Variants in FAM168A observed in about 807,000 individuals in gnomAD.
FAM168A encodes family with sequence similarity 168 member A.
FAM168A carries 3 observed loss-of-function variants against 28.5 expected under a neutral mutation model. The observed-to-expected ratio is 0.11, with a 90% CI of 0.05 to 0.27. FAM168A has a LOEUF of 0.27. Among genes scored for constraint, FAM168A ranks in the 10% least tolerant of loss-of-function variants. The pLI, the probability that FAM168A is intolerant of heterozygous loss-of-function variation, is 1.00. For synonymous variants in FAM168A, 122 were observed against 124.2 expected (o/e 0.98, Z 0.12); for missense variants, 222 against 311.5 (o/e 0.71, Z 2.16).
At chr11:73,442,693 T>C (rs1867218023) in intron 2 of FAM168A, among the ~76,000 whole-genome samples, 1 of 152,030 alleles carries the variant, frequency 6.6e-6, no homozygotes, top group South Asian at 2.1e-4. Context: ...AGTTGTTTTA[T>C]GGCCTAGCAC....
intron 1 of FAM168A, among the ~76,000 whole-genome samples, chr11:73,502,952 G>A (rs538513702): frequency 1.3e-5 from 2 of 152,122 alleles, no homozygotes; most frequent in African/African-American, 4.8e-5. Flanking sequence ...ATTCAACATG[G>A]CTTCATGTTA....
At chr11:73,452,783 A>T (rs1297429472) in intron 2 of FAM168A, among the ~76,000 whole-genome samples, 1 of 151,622 alleles carries the variant, frequency 6.6e-6, no homozygotes, top group East Asian at 1.9e-4. Flanking sequence ...AGTTGAAATA[A>T]AATGGTGTGG....
chr11:73,553,063 T>A (rs1023390021), intron 1 of FAM168A, among the ~76,000 whole-genome samples: 1 of 152,194 alleles, frequency 6.6e-6, no homozygotes, highest in Non-Finnish European at 1.5e-5. Flanking sequence ...GTTTTATAAA[T>A]TAATTAATCC....
chr11:73,478,279 T>C (rs930706994), intron 1 of FAM168A, among the ~76,000 whole-genome samples: 3 of 152,076 alleles, frequency 2.0e-5, no homozygotes, highest in African/African-American at 7.2e-5. Context: ...ATCGACAATA[T>C]CAATAAAAAG....
intron 1 of FAM168A, among the ~76,000 whole-genome samples, chr11:73,502,433 A>C (rs1191893178): frequency 2.0e-5 from 3 of 152,234 alleles, no homozygotes; most frequent in Non-Finnish European, 2.9e-5. Context: ...TACCCTCCCA[A>C]GACTAAACCA....
intron 1 of FAM168A, among the ~76,000 whole-genome samples, chr11:73,497,805 G>A (rs954728975): frequency 6.6e-6 from 1 of 152,050 alleles, no homozygotes; most frequent in Non-Finnish European, 1.5e-5. Context: ...TAATGTAAAT[G>A]ACAAGTTAAT....
chr11:73,514,987 T>C (rs1943282016), intron 1 of FAM168A, among the ~76,000 whole-genome samples: 1 of 152,108 alleles, frequency 6.6e-6, no homozygotes, highest in Non-Finnish European at 1.5e-5. Flanking sequence ...CACCTACCCA[T>C]GGACCAGTGG....
At chr11:73,410,833 T>C (rs1168711706) in intron 5 of FAM168A, among the ~76,000 whole-genome samples, 1 of 152,200 alleles carries the variant, frequency 6.6e-6, no homozygotes, top group Non-Finnish European at 1.5e-5. Context: ...CCCTCTCTCA[T>C]ACCAATCCTG....
chr11:73,426,284 AAAT>A (rs1469276249), intron 3 of FAM168A, among the ~76,000 whole-genome samples: 2 of 152,210 alleles, frequency 1.3e-5, no homozygotes, highest in African/African-American at 2.4e-5. Context: ...AAGAGTTCTT[AAAT>A]AAGATCCCTG....
intron 1 of FAM168A, among the ~76,000 whole-genome samples, chr11:73,538,341 C>CAAA (rs1004831620): frequency 7.5e-6 from 1 of 133,686 alleles, no homozygotes; most frequent in Non-Finnish European, 1.6e-5. Context: ...AAACAAAAAA[C>CAAA]AAAAAAAAAA....
intron 2 of FAM168A, among the ~76,000 whole-genome samples, chr11:73,432,749 T>TA (rs1043414726): frequency 2.6e-5 from 4 of 152,058 alleles, no homozygotes; most frequent in South Asian, 4.2e-4. Flanking sequence ...CCGTCTCTAC[T>TA]AAAAAAATAA....
intron 1 of FAM168A, among the ~76,000 whole-genome samples, chr11:73,590,251 A>T (rs1046760436): frequency 3.9e-5 from 6 of 152,114 alleles, no homozygotes; most frequent in Admixed American, 6.5e-5. Flanking sequence ...AAAAAATTTT[A>T]AAATAACCAG....
intron 1 of FAM168A, among the ~76,000 whole-genome samples, chr11:73,508,362 T>C (rs971570903): frequency 6.6e-6 from 1 of 152,212 alleles, no homozygotes; most frequent in Admixed American, 6.5e-5. Context: ...TTACACAACA[T>C]AGTTCTCTCT....
chr11:73,580,731 C>G (rs1480995502), intron 1 of FAM168A, among the ~76,000 whole-genome samples: 1 of 152,212 alleles, frequency 6.6e-6, no homozygotes, highest in Admixed American at 6.5e-5. Flanking sequence ...GGGGAAAACA[C>G]CTTTCCCTTC....
At chr11:73,545,278 G>A (rs1470065124) in intron 1 of FAM168A, among the ~76,000 whole-genome samples, 1 of 150,918 alleles carries the variant, frequency 6.6e-6, no homozygotes, top group Non-Finnish European at 1.5e-5. Context: ...CACCCATCTA[G>A]GCCTCCCAAA....
chr11:73,582,247 C>A (rs1239141962), intron 1 of FAM168A, among the ~76,000 whole-genome samples: 2 of 150,842 alleles, frequency 1.3e-5, no homozygotes, highest in Non-Finnish European at 3.0e-5. Context: ...AGAGGCCGGG[C>A]ACCGTGACTC....
intron 1 of FAM168A, among the ~76,000 whole-genome samples, chr11:73,496,616 A>G (rs1477593206): frequency 6.6e-6 from 1 of 152,228 alleles, no homozygotes; most frequent in Non-Finnish European, 1.5e-5. Context: ...GCTGGAGTGC[A>G]GTGGCGCGAT....
intron 1 of FAM168A, among the ~76,000 whole-genome samples, chr11:73,545,019 G>GATAA: frequency 1.4e-5 from 1 of 69,622 alleles, no homozygotes; most frequent in African/African-American, 1.4e-4. Context: ...TATATATATA[G>GATAA]TATATATAAT....
At chr11:73,568,621 G>C (rs1381887722) in intron 1 of FAM168A, among the ~76,000 whole-genome samples, 1 of 152,184 alleles carries the variant, frequency 6.6e-6, no homozygotes, top group Non-Finnish European at 1.5e-5. Context: ...CCTTGGTCGG[G>C]GGTAATGGCT....
Sources: allele counts gnomAD v4.1 joint callset (sites outside exome capture counted in the v4.1 genomes callset), GRCh38; gene constraint gnomAD v4.1.1; transcripts MANE v1.5; gene names NCBI Gene and HGNC (gene_info 2026-07-23, HGNC 2026-07-21).